Variants in GAS2 observed in about 807,000 individuals in gnomAD.
GAS2 encodes growth arrest-specific protein 2.
A neutral mutation model predicts 37.5 loss-of-function variants in GAS2; 20 were observed. The ratio of observed to expected loss-of-function variants is 0.53; its 90% CI spans 0.37 to 0.77. The LOEUF (loss-of-function observed/expected upper bound fraction) is 0.77, where lower values mean the gene tolerates loss of function less well. Ranked by LOEUF, GAS2 falls within the 30% of genes least tolerant of loss-of-function variation. The probability of loss-of-function intolerance (pLI) is 0.00; values close to 1 mark genes in which losing one functional copy is unlikely to be tolerated. For synonymous variants in GAS2, 144 were observed against 132.2 expected, an observed-to-expected ratio of 1.09 and a Z score of -0.61; for missense variants, 336 against 373.4, an observed-to-expected ratio of 0.90 and a Z score of 0.82.
chr11:22,654,226 A>T (rs1368829819), intron 1 of GAS2, among the ~76,000 whole-genome samples: 2 of 152,186 alleles, frequency 1.3e-5, no homozygotes, highest in African/African-American at 4.8e-5. Flanking sequence ...GCATTAGGTG[A>T]TGCTTGAATA....
At chr11:22,774,098 A>G (rs1041161664) in intron 7 of GAS2, among the ~76,000 whole-genome samples, 5 of 152,268 alleles carry the variant, frequency 3.3e-5, no homozygotes, top group Admixed American at 2.0e-4. Context: ...GGTTCAAGCA[A>G]TTCCCCTGTC....
chr11:22,755,986 A>G (rs1854013660), intron 7 of GAS2, 33 bp downstream of exon 7: 1 of 1,446,124 alleles, frequency 6.9e-7, no homozygotes, highest in Non-Finnish European at 9.7e-7. Flanking sequence ...TCTTGTTTTT[A>G]TGGGAAGATT....
At chr11:22,726,873 A>T (rs1166031343) in intron 4 of GAS2, among the ~76,000 whole-genome samples, 2 of 152,136 alleles carry the variant, frequency 1.3e-5, no homozygotes, top group African/African-American at 4.8e-5. Context: ...CATAAGCTCT[A>T]CCTTTATTGA....
intron 1 of GAS2, among the ~76,000 whole-genome samples, chr11:22,667,922 T>C (rs1319165060): frequency 6.6e-6 from 1 of 152,212 alleles, no homozygotes; most frequent in Non-Finnish European, 1.5e-5. Context: ...CTTATAAAAT[T>C]ATCTCCTCCA....
intron 3 of GAS2, among the ~76,000 whole-genome samples, chr11:22,717,415 A>C (rs1368452789): frequency 1.3e-5 from 2 of 152,150 alleles, no homozygotes; most frequent in African/African-American, 2.4e-5. Flanking sequence ...CCTATTTCAT[A>C]AATAGTGCTG....
At chr11:22,675,085 C>A in intron 2 of GAS2, 71 bp downstream of exon 2, 2 of 1,464,948 alleles carry the variant, frequency 1.4e-6, no homozygotes, top group Non-Finnish European at 1.9e-6. Context: ...CTGTAGTGTC[C>A]TTCACCTAAG....
At chr11:22,715,344 C>T (rs1232422055) in intron 3 of GAS2, among the ~76,000 whole-genome samples, 5 of 150,382 alleles carry the variant, frequency 3.3e-5, no homozygotes, top group Non-Finnish European at 7.4e-5. Flanking sequence ...GCCTGTAGTC[C>T]CAGCTACTCA....
Position 22,810,362 on chromosome 11 carries a change from G to C in GAS2, c.724-1436G>C, listed in dbSNP as rs922943268. Among the ~76,000 whole-genome samples, 8 of 152,078 alleles carry C rather than the reference G, an allele frequency of 5.3e-5. No homozygotes were observed. In the East Asian group the frequency reaches 1.4e-3, roughly 26 times the overall value. On this transcript the variant is annotated intron_variant, in intron 7 of 7. Coordinates refer to ENST00000454584, the MANE Select transcript of GAS2 (RefSeq NM_001143830.3). Reference sequence around the variant, plus strand: ...TCAGCTCCTTGATACTATCTGGGAGGCCTGATGGTTGGTTTCCTGAGAAGG... The same window carrying C: ...TCAGCTCCTTGATACTATCTGGGAGCCCTGATGGTTGGTTTCCTGAGAAGG...
chr11:22,770,486 A>C (rs1164326530), intron 7 of GAS2, among the ~76,000 whole-genome samples: 2 of 152,206 alleles, frequency 1.3e-5, no homozygotes, highest in Non-Finnish European at 2.9e-5. Flanking sequence ...TAAACGTTTC[A>C]CTTACTTAAC....
chr11:22,808,790 G>T (rs1455651737), intron 7 of GAS2, among the ~76,000 whole-genome samples: 1 of 152,220 alleles, frequency 6.6e-6, no homozygotes, highest in Non-Finnish European at 1.5e-5. Flanking sequence ...GTGGTAGAAA[G>T]AATCAAAGTG....
At position 22,685,789 on chromosome 11, in the gene GAS2, G is replaced by A; in HGVS notation, c.267G>A (p.Lys89=). ...KESMDANKPT[K]NLPLKKIPCK... ...GCATGGATGCTAACAAGCCCACAAA[G>A]GTAAAAGATCCCAATGCAAAAATCA... The change falls in exon 3 of 8, where the codon AAG becomes AAA. Residue 89 remains lysine, a splice_region_variant and synonymous_variant. Transcript: ENST00000454584. 1 of 1,609,318 alleles carries A rather than the reference G, an allele frequency of 6.2e-7. No homozygotes were observed. Among genetic ancestry groups the A allele is most frequent in the African/African-American group, 1.3e-5 (1 of 74,842 alleles).
chr11:22,660,366 G>T (rs1848902656), intron 1 of GAS2, among the ~76,000 whole-genome samples: 1 of 152,128 alleles, frequency 6.6e-6, no homozygotes, highest in Non-Finnish European at 1.5e-5. Flanking sequence ...TTGTTGTAAT[G>T]AGTCAATAAG....
intron 7 of GAS2, among the ~76,000 whole-genome samples, chr11:22,798,764 G>T (rs1374176462): frequency 6.6e-6 from 1 of 151,916 alleles, no homozygotes; most frequent in Non-Finnish European, 1.5e-5. Flanking sequence ...CTGCTAACAG[G>T]TGATCTTATC....
intron 7 of GAS2, among the ~76,000 whole-genome samples, chr11:22,776,310 A>C (rs1855251778): frequency 6.6e-6 from 1 of 151,860 alleles, no homozygotes; most frequent in African/African-American, 2.4e-5. Flanking sequence ...TTAGCAATGA[A>C]TTTGCGTGGT....
At chr11:22,786,293 G>T (rs968008987) in intron 7 of GAS2, among the ~76,000 whole-genome samples, 3 of 152,024 alleles carry the variant, frequency 2.0e-5, no homozygotes, top group Non-Finnish European at 4.4e-5. Context: ...TATTATTTTT[G>T]AAAACAATTG....
At chr11:22,798,095 G>A (rs1043203124) in intron 7 of GAS2, among the ~76,000 whole-genome samples, 5 of 151,952 alleles carry the variant, frequency 3.3e-5, no homozygotes, top group African/African-American at 1.2e-4. Flanking sequence ...AGGTGACCTT[G>A]GGCAATTCAC....
intron 3 of GAS2, among the ~76,000 whole-genome samples, chr11:22,715,305 A>G (rs1243475268): frequency 6.6e-6 from 1 of 151,704 alleles, no homozygotes; most frequent in Non-Finnish European, 1.5e-5. Context: ...ACTAAAAAAT[A>G]CAAAAATTAG....
At chr11:22,688,106 G>A (rs1484328972) in intron 3 of GAS2, among the ~76,000 whole-genome samples, 1 of 152,162 alleles carries the variant, frequency 6.6e-6, no homozygotes, top group Non-Finnish European at 1.5e-5. Flanking sequence ...ATAGGTCAAA[G>A]GCTTTGACAT....
chr11:22,700,413 G>A (rs1850772161), intron 3 of GAS2, among the ~76,000 whole-genome samples: 1 of 152,092 alleles, frequency 6.6e-6, no homozygotes, highest in Admixed American at 6.6e-5. Flanking sequence ...ATGTGACAAA[G>A]CATGAGGAGC....
Sources: allele counts gnomAD v4.1 joint callset (sites outside exome capture counted in the v4.1 genomes callset), GRCh38; gene constraint gnomAD v4.1.1; transcripts MANE v1.5; gene names NCBI Gene and HGNC (gene_info 2026-07-23, HGNC 2026-07-21).